KDM2B: variants seen among roughly 807,000 people sequenced by gnomAD.
KDM2B encodes the protein lysine demethylase 2B.
A neutral mutation model predicts 150.0 loss-of-function variants in KDM2B; 26 were observed. The observed-to-expected ratio is 0.17, with a 90% CI of 0.13 to 0.24. The LOEUF is 0.24. KDM2B is among the 10% of genes least tolerant of loss of function. KDM2B has a pLI of 1.00. For synonymous variants in KDM2B, 734 were observed against 729.5 expected (o/e 1.01, Z -0.10); for missense variants, 1,265 against 1,816.9 (o/e 0.70, Z 5.52).
intron 9 of KDM2B, among the ~76,000 whole-genome samples, chr12:121,519,426 C>T (rs1886500690): frequency 6.6e-6 from 1 of 152,064 alleles, no homozygotes; most frequent in South Asian, 2.1e-4. Flanking sequence ...GGTCTGGCTA[C>T]AGAATGGAAT....
intron 12 of KDM2B, among the ~76,000 whole-genome samples, chr12:121,492,089 C>G (rs1221755190): frequency 6.6e-6 from 1 of 151,970 alleles, no homozygotes; most frequent in African/African-American, 2.4e-5. Flanking sequence ...TCCAGGGAGG[C>G]AGAGGTTGCA....
chr12:121,451,992 C>A (rs1877365273), intron 13 of KDM2B, among the ~76,000 whole-genome samples: 1 of 152,082 alleles, frequency 6.6e-6, no homozygotes, highest in Admixed American at 6.6e-5. Flanking sequence ...TCATATGCTT[C>A]AACATGGATG....
At chr12:121,456,583 T>A (rs1174040708) in intron 12 of KDM2B, among the ~76,000 whole-genome samples, 3 of 152,034 alleles carry the variant, frequency 2.0e-5, no homozygotes, top group Non-Finnish European at 2.9e-5. Flanking sequence ...GGTAAAAAAC[T>A]GAAAAAATTC....
At chr12:121,564,204 T>A (rs949980713) in intron 4 of KDM2B, among the ~76,000 whole-genome samples, 2 of 152,126 alleles carry the variant, frequency 1.3e-5, no homozygotes, top group Non-Finnish European at 2.9e-5. Flanking sequence ...ACGCCTGTAA[T>A]CTCAGCACTT....
intron 12 of KDM2B, among the ~76,000 whole-genome samples, chr12:121,465,019 G>A (rs1214140187): frequency 6.6e-6 from 1 of 152,048 alleles, no homozygotes; most frequent in South Asian, 2.1e-4. Context: ...TCTCTGTTGG[G>A]ACTACGAGAC....
At chr12:121,424,618 G>A (rs1566238379), downstream of KDM2B, among the ~76,000 whole-genome samples, 1 of 151,948 alleles carries the variant, frequency 6.6e-6, no homozygotes, top group Non-Finnish European at 1.5e-5. Context: ...GGCTGAGGTA[G>A]GAGGATGGCT....
At chr12:121,567,238 A>T (rs181442317) in intron 4 of KDM2B, among the ~76,000 whole-genome samples, 7 of 152,242 alleles carry the variant, frequency 4.6e-5, no homozygotes, top group Admixed American at 2.6e-4. Flanking sequence ...TATATAAAAA[A>T]GTCTTATAGT....
chr12:121,576,705 C>G (rs1359186514), intron 2 of KDM2B, among the ~76,000 whole-genome samples: 1 of 152,216 alleles, frequency 6.6e-6, no homozygotes, highest in Non-Finnish European at 1.5e-5. Context: ...CTGACCCAAC[C>G]ATACACCCCT....
In KDM2B at chr12:121,549,353, C is replaced by A; in HGVS notation, c.576+107G>T. 1 of 1,057,760 alleles carries A rather than the reference C, an allele frequency of 9.5e-7. No individual in the cohort carries two copies. The highest frequency in any genetic ancestry group is 1.4e-6 in the Non-Finnish European group (1 of 728,730). The allele number at this position is 1,057,760 out of a possible 1,614,324, so 65.5% of individuals were successfully genotyped here. On this transcript the variant is annotated intron_variant, in intron 5 of 22. Transcript: ENST00000377071. This position sits in a 1 kb window ranked among gnomAD's most constrained non-coding sequence, Gnocchi z 4.4. The stretch of plus-strand genomic sequence containing the variant: ...CCCTATGCCTGCCAAGCCCAGCCAG[C>A]CACACCCACATGAGCCTTTTTGCAA...
intron 6 of KDM2B, among the ~76,000 whole-genome samples, chr12:121,538,244 G>A (rs576830967): frequency 2.5e-4 from 38 of 152,122 alleles, no homozygotes; most frequent in Non-Finnish European, 4.7e-4. Context: ...CGGTGGGGGT[G>A]CAGGGCTGGC....
intron 21 of KDM2B, 78 bp downstream of exon 21, chr12:121,440,738 G>C: frequency 7.5e-7 from 1 of 1,342,182 alleles, no homozygotes; most frequent in African/African-American, 1.5e-5. Flanking sequence ...GAACAGCTGG[G>C]GTCTGAGGGT....
At chr12:121,474,938 A>C (rs1164904814) in intron 12 of KDM2B, among the ~76,000 whole-genome samples, 1 of 152,186 alleles carries the variant, frequency 6.6e-6, no homozygotes, top group Non-Finnish European at 1.5e-5. Flanking sequence ...CCTGGGAGAC[A>C]GAGCGAGACT....
At position 121,440,835 on chromosome 12, in the gene KDM2B, C is replaced by G. The variant is rs141490235; in HGVS notation, c.3591G>C (p.Pro1197=). 1.2e-6 allele frequency: 2 copies of G among 1,612,010 alleles called. No individual in the cohort carries two copies. Among genetic ancestry groups the G allele is most frequent in the East Asian group, 4.5e-5 (2 of 44,880 alleles). The change falls in exon 21 of 23, where the codon CCG becomes CCC. Residue 1197 remains proline (P), a synonymous_variant. Transcript: ENST00000377071. ...ACTCACCTGGCCTGTTGTCTGTGGG[C>G]GGGGACAGGAGATCCCGCATCTGGG... ...KDAQMRDLLS[P]PTDNRPGQMD... is the part of the protein sequence containing the mutation.
chr12:121,503,892 G>A (rs1884823985), intron 11 of KDM2B, among the ~76,000 whole-genome samples: 1 of 152,220 alleles, frequency 6.6e-6, no homozygotes, highest in Admixed American at 6.5e-5. Context: ...TCCCCAGAAG[G>A]ACAAAGCACA....
the KDM2B span, among the ~76,000 whole-genome samples, chr12:121,411,709 T>C: frequency 6.6e-6 from 1 of 152,222 alleles, no homozygotes; most frequent in Admixed American, 6.5e-5. Context: ...TACTTGTCAG[T>C]CATACCATGG....
chr12:121,512,512 T>C (rs1885678004), intron 10 of KDM2B, among the ~76,000 whole-genome samples: 2 of 151,082 alleles, frequency 1.3e-5, no homozygotes, highest in Admixed American at 6.6e-5. Context: ...CATCTTTCTA[T>C]CCCCTGGTTA....
chr12:121,573,572 G>C (rs558971054), intron 4 of KDM2B, among the ~76,000 whole-genome samples: 2 of 149,964 alleles, frequency 1.3e-5, no homozygotes, highest in African/African-American at 4.9e-5. Context: ...ACCACCCTCG[G>C]CCTACTGTTT....
intron 11 of KDM2B, among the ~76,000 whole-genome samples, chr12:121,501,639 G>A (rs980677129): frequency 1.6e-4 from 25 of 151,646 alleles, no homozygotes; most frequent in Non-Finnish European, 4.4e-5. Context: ...TTTGTTTTTT[G>A]AGACAGAGTC....
chr12:121,499,074 G>A (rs1405772863), intron 11 of KDM2B, among the ~76,000 whole-genome samples: 3 of 151,606 alleles, frequency 2.0e-5, no homozygotes, highest in Non-Finnish European at 2.9e-5. Flanking sequence ...TAAAGTGCTG[G>A]GATTACAGGT....
Sources: gnomAD v4.1 joint callset for allele counts (sites outside exome capture counted in the v4.1 genomes callset) on GRCh38, gnomAD v4.1.1 for gene constraint, Gnocchi (gnomAD v3.1) non-coding constraint, MANE v1.5 for transcripts, NCBI Gene and HGNC (gene_info 2026-07-23, HGNC 2026-07-21) for gene names.